Variants in ATG5 observed in about 807,000 individuals in gnomAD.
ATG5 encodes autophagy related 5.
ATG5 carries 14 observed loss-of-function variants against 36.5 expected under a neutral mutation model. The ratio of observed to expected loss-of-function variants is 0.38; its 90% CI spans 0.25 to 0.60. ATG5 has a LOEUF of 0.60. Ranked by LOEUF, ATG5 falls within the 20% of genes least tolerant of loss-of-function variation. ATG5 has a pLI of 0.60. For synonymous variants in ATG5, 95 were observed against 101.5 expected, an observed-to-expected ratio of 0.94 and a Z score of 0.38; for missense variants, 195 against 326.7, an observed-to-expected ratio of 0.60 and a Z score of 3.11.
intron 7 of ATG5, among the ~76,000 whole-genome samples, chr6:106,201,512 T>C (rs1413396323): frequency 6.6e-6 from 1 of 152,168 alleles, no homozygotes; most frequent in Admixed American, 6.5e-5. Context: ...TTGTAGATTG[T>C]CAAAGCCTAA....
chr6:106,305,455 AACTGTC>A (rs1451192239), intron 3 of ATG5, among the ~76,000 whole-genome samples: 1 of 152,160 alleles, frequency 6.6e-6, no homozygotes, highest in African/African-American at 2.4e-5. Flanking sequence ...TGTCATTGAG[AACTGTC>A]ACCTTATGAA....
intron 1 of ATG5, among the ~76,000 whole-genome samples, chr6:106,318,986 T>C (rs1479006200): frequency 2.0e-5 from 3 of 152,218 alleles, no homozygotes; most frequent in Non-Finnish European, 4.4e-5. Flanking sequence ...AGAAGCACTA[T>C]ACAGTAGAAG....
chr6:106,187,458 T>C (rs751752295), intron 7 of ATG5, among the ~76,000 whole-genome samples: 27 of 151,156 alleles, frequency 1.8e-4, no homozygotes, highest in East Asian at 3.9e-4. Flanking sequence ...ATTTTTGTCA[T>C]AGAAAAACAA....
chr6:106,276,113 A>G (rs1779633945), intron 5 of ATG5, among the ~76,000 whole-genome samples: 1 of 152,246 alleles, frequency 6.6e-6, no homozygotes, highest in Non-Finnish European at 1.5e-5. Flanking sequence ...TTAGTGTTTC[A>G]TAAGGCCTCT....
chr6:106,304,143 A>T (rs896324704), intron 3 of ATG5: 2 of 152,234 alleles, frequency 1.3e-5, no homozygotes, highest in Admixed American at 1.3e-4. Flanking sequence ...ACAAAAATCA[A>T]TAACATTTTC....
chr6:106,227,489 A>G (rs549632754), intron 6 of ATG5, among the ~76,000 whole-genome samples: 3 of 152,188 alleles, frequency 2.0e-5, no homozygotes, highest in Admixed American at 6.5e-5. Flanking sequence ...CCAGCTACTC[A>G]GGCGGCTAAG....
intron 6 of ATG5, among the ~76,000 whole-genome samples, chr6:106,235,236 T>A (rs972739508): frequency 1.3e-5 from 2 of 152,122 alleles, no homozygotes; most frequent in African/African-American, 2.4e-5. Flanking sequence ...TCTTCCAGAA[T>A]CAAAGTTGTA....
intron 5 of ATG5, among the ~76,000 whole-genome samples, chr6:106,252,007 A>G (rs1778612894): frequency 6.6e-6 from 1 of 151,914 alleles, no homozygotes. Context: ...CGCCCGGCTA[A>G]TTTTTGTATT....
intron 4 of ATG5, chr6:106,283,682 G>C (rs1278782545): frequency 2.6e-5 from 4 of 152,184 alleles, no homozygotes; most frequent in Admixed American, 1.3e-4. Context: ...TGAGTAGCTG[G>C]GACAACAGGC....
At chr6:106,319,412 T>TA (rs1291925979) in intron 1 of ATG5, among the ~76,000 whole-genome samples, 1 of 152,230 alleles carries the variant, frequency 6.6e-6, no homozygotes, top group Non-Finnish European at 1.5e-5. Flanking sequence ...TTGATATGCC[T>TA]AGCTGTGTGG....
At chr6:106,304,522 C>G (rs1399181851) in intron 3 of ATG5, among the ~76,000 whole-genome samples, 1 of 152,026 alleles carries the variant, frequency 6.6e-6, no homozygotes, top group Non-Finnish European at 1.5e-5. Context: ...ACCACTGATA[C>G]ACGCAAAAAG....
intron 4 of ATG5, among the ~76,000 whole-genome samples, chr6:106,280,913 T>A (rs937984987): frequency 6.6e-6 from 1 of 152,158 alleles, no homozygotes; most frequent in Non-Finnish European, 1.5e-5. Context: ...ATATTTAAGA[T>A]AATCATTATA....
At chr6:106,226,366 A>G (rs1777453405) in intron 6 of ATG5, among the ~76,000 whole-genome samples, 1 of 152,202 alleles carries the variant, frequency 6.6e-6, no homozygotes, top group Non-Finnish European at 1.5e-5. Context: ...GTTATACTAT[A>G]TAAAATATTC....
intron 6 of ATG5, among the ~76,000 whole-genome samples, chr6:106,222,448 T>C (rs1039036822): frequency 6.6e-6 from 1 of 152,236 alleles, no homozygotes; most frequent in Admixed American, 6.5e-5. Context: ...TCCAGAATTT[T>C]AGCTGTTTCA....
intron 5 of ATG5, among the ~76,000 whole-genome samples, chr6:106,252,764 C>A (rs938910802): frequency 6.6e-6 from 1 of 152,064 alleles, no homozygotes; most frequent in African/African-American, 2.4e-5. Context: ...TGCAGGAAAC[C>A]GATGAAATGG....
intron 5 of ATG5, among the ~76,000 whole-genome samples, chr6:106,254,756 G>C (rs985387411): frequency 1.3e-5 from 2 of 152,178 alleles, no homozygotes; most frequent in African/African-American, 4.8e-5. Flanking sequence ...GATTCTACCA[G>C]GTAAGAAGTG....
chr6:106,243,861 T>TA (rs1288352109), intron 6 of ATG5, among the ~76,000 whole-genome samples: 17 of 143,780 alleles, frequency 1.2e-4, no homozygotes, highest in African/African-American at 4.3e-4. Flanking sequence ...TAAATAAAAT[T>TA]AAAAAATATA....
intron 4 of ATG5, among the ~76,000 whole-genome samples, chr6:106,292,294 T>C (rs1780340716): frequency 6.6e-6 from 1 of 152,154 alleles, no homozygotes. Context: ...TTAATATAAG[T>C]GTTTCCAATC....
chr6:106,297,189 T>C (rs532454863), intron 3 of ATG5, among the ~76,000 whole-genome samples: 1 of 152,328 alleles, frequency 6.6e-6, no homozygotes, highest in South Asian at 2.1e-4. Context: ...TTACATGATA[T>C]TTTATGACAA....
Sources: gnomAD v4.1 joint callset for allele counts (sites outside exome capture counted in the v4.1 genomes callset) on GRCh38, gnomAD v4.1.1 for gene constraint, MANE v1.5 for transcripts, NCBI Gene and HGNC (gene_info 2026-07-23, HGNC 2026-07-21) for gene names.